Variants in ROBO2 observed in about 807,000 individuals in gnomAD.
ROBO2 encodes roundabout homolog 2.
Under a neutral mutation model 160.8 loss-of-function variants are expected in ROBO2, and 53 were observed. The observed-to-expected ratio is 0.33, with a 90% CI of 0.26 to 0.41. ROBO2 has a LOEUF of 0.41. Ranked by LOEUF, ROBO2 falls within the 10% of genes least tolerant of loss-of-function variation. The pLI is 1.00. For missense variants in ROBO2, 1,577 were observed against 1,722.4 expected (o/e 0.92, Z 1.49); for synonymous variants, 664 against 611.7 (o/e 1.09, Z -1.26).
chr3:76,940,716 T>C (rs1559737168), intron 2 of ROBO2, among the ~76,000 whole-genome samples: 1 of 152,194 alleles, frequency 6.6e-6, no homozygotes, highest in Admixed American at 6.5e-5. Flanking sequence ...CAATTCTGCT[T>C]CCTTTTGTAC....
At chr3:77,466,141 A>AATGACGAT (rs1225988973) in intron 2 of ROBO2, among the ~76,000 whole-genome samples, 2 of 152,166 alleles carry the variant, frequency 1.3e-5, no homozygotes, top group African/African-American at 4.8e-5. Flanking sequence ...TGAATTTAAA[A>AATGACGAT]ATCAATATGA....
intron 2 of ROBO2, among the ~76,000 whole-genome samples, chr3:76,760,121 T>C (rs1206432208): frequency 6.6e-6 from 1 of 151,762 alleles, no homozygotes; most frequent in Non-Finnish European, 1.5e-5. Context: ...GTAGCTGTTG[T>C]GTTGCTCGTA....
At chr3:77,421,061 C>T (rs189459041) in intron 2 of ROBO2, among the ~76,000 whole-genome samples, 230 of 152,222 alleles carry the variant, frequency 1.5e-3, no homozygotes, top group African/African-American at 5.4e-3. Flanking sequence ...CATAGTCTTT[C>T]CTATCACACT....
At chr3:76,374,077 G>A (rs1328098202) in intron 2 of ROBO2, among the ~76,000 whole-genome samples, 3 of 151,892 alleles carry the variant, frequency 2.0e-5, no homozygotes, top group African/African-American at 7.2e-5. Flanking sequence ...ATTCAGAGGG[G>A]CAATTACATT....
intron 2 of ROBO2, among the ~76,000 whole-genome samples, chr3:76,545,509 C>A (rs2083047123): frequency 6.6e-6 from 1 of 151,856 alleles, no homozygotes; most frequent in Non-Finnish European, 1.5e-5. Context: ...TCTCCTTGAG[C>A]CTGAAGAATT....
At chr3:76,315,729 CA>C (rs2071963017) in intron 2 of ROBO2, among the ~76,000 whole-genome samples, 1 of 152,128 alleles carries the variant, frequency 6.6e-6, no homozygotes, top group South Asian at 2.1e-4. Context: ...CTCATAAAAC[CA>C]GTATCTCACA....
intron 2 of ROBO2, among the ~76,000 whole-genome samples, chr3:76,969,838 T>A (rs1392906774): frequency 6.6e-6 from 1 of 152,090 alleles, no homozygotes. Context: ...TGTGTTAGTG[T>A]GTGTGTGTGT....
exon 14 of ROBO2, chr3:77,574,638 A>G (rs556973958): frequency 1.9e-6 from 3 of 1,613,322 alleles, no homozygotes; most frequent in Non-Finnish European, 2.5e-6. Flanking sequence ...AACCTGAAAA[A>G]GGGGGTGACT....
chr3:76,032,428 A>G (rs1304523319), intron 2 of ROBO2, among the ~76,000 whole-genome samples: 1 of 151,950 alleles, frequency 6.6e-6, no homozygotes, highest in Non-Finnish European at 1.5e-5. Flanking sequence ...TTGCTTCTCT[A>G]GTTCTTTTAA....
At chr3:77,645,999 A>G in intron 25 of ROBO2, 55 bp from the exon 28 acceptor site, 1 of 1,345,144 alleles carries the variant, frequency 7.4e-7, no homozygotes, top group Non-Finnish European at 1.0e-6. Flanking sequence ...TATGCTGGTC[A>G]GAAAAGCAGA....
At chr3:77,644,929 G>A (rs370271656) in intron 25 of ROBO2, 25 bp downstream of exon 27, 241 of 1,606,276 alleles carry the variant, frequency 1.5e-4, no homozygotes, top group Non-Finnish European at 2.0e-4. Context: ...CATTTAAAAG[G>A]CTATCGTGAT....
At chr3:77,397,444 TC>T (rs2075385001) in intron 2 of ROBO2, among the ~76,000 whole-genome samples, 1 of 152,128 alleles carries the variant, frequency 6.6e-6, no homozygotes, top group Admixed American at 6.6e-5. Flanking sequence ...ATGAGTCCCA[TC>T]ATAACATGTG....
At chr3:77,032,120 G>T (rs1207607367) in intron 2 of ROBO2, among the ~76,000 whole-genome samples, 2 of 152,102 alleles carry the variant, frequency 1.3e-5, no homozygotes, top group Non-Finnish European at 2.9e-5. Flanking sequence ...TCACACTGGG[G>T]GTTAAGATTT....
chr3:77,547,023 T>A (rs1230930443), intron 7 of ROBO2, among the ~76,000 whole-genome samples: 1 of 152,028 alleles, frequency 6.6e-6, no homozygotes, highest in Non-Finnish European at 1.5e-5. Context: ...AGACAGGAAA[T>A]AATACATAGT....
chr3:76,315,510 G>A (rs951111296), intron 2 of ROBO2, among the ~76,000 whole-genome samples: 1 of 152,060 alleles, frequency 6.6e-6, no homozygotes, highest in Non-Finnish European at 1.5e-5. Context: ...ATTTAGAGTG[G>A]CAATTTCAAT....
intron 2 of ROBO2, among the ~76,000 whole-genome samples, chr3:76,852,470 T>A (rs572186191): frequency 2.0e-5 from 3 of 152,286 alleles, no homozygotes; most frequent in Admixed American, 6.5e-5. Context: ...GTGGTAATTA[T>A]GTTGATTTGC....
chr3:77,308,537 G>T (rs2063289646), intron 2 of ROBO2, among the ~76,000 whole-genome samples: 1 of 152,098 alleles, frequency 6.6e-6, no homozygotes, highest in Non-Finnish European at 1.5e-5. Context: ...GAGGAGCATG[G>T]ATGCTGGATA....
chr3:76,662,916 C>G (rs1389490545), intron 2 of ROBO2, among the ~76,000 whole-genome samples: 1 of 152,038 alleles, frequency 6.6e-6, no homozygotes, highest in Non-Finnish European at 1.5e-5. Flanking sequence ...GAACTCAGGT[C>G]CACAGATGAA....
chr3:77,172,671 G>T (rs961267470), intron 2 of ROBO2, among the ~76,000 whole-genome samples: 2 of 152,148 alleles, frequency 1.3e-5, no homozygotes, highest in Non-Finnish European at 2.9e-5. Context: ...TTTTAAATAA[G>T]TAGGTTTTAA....
Sources: allele counts gnomAD v4.1 joint callset (sites outside exome capture counted in the v4.1 genomes callset), GRCh38; gene constraint gnomAD v4.1.1; transcripts MANE v1.5; gene names NCBI Gene and HGNC (gene_info 2026-07-23, HGNC 2026-07-21).